The following CEP63 variants were observed in gnomAD, a reference collection of about 807,000 sequenced individuals.
CEP63 encodes the protein centrosomal protein of 63 kDa.
Under a neutral mutation model 89.1 loss-of-function variants are expected in CEP63, and 84 were observed. The ratio of observed to expected loss-of-function variants is 0.94; its 90% CI spans 0.79 to 1.13. The LOEUF is 1.13. CEP63 is among the 50% of genes most tolerant of loss of function. CEP63 has a pLI of 0.00. For missense variants in CEP63, 838 were observed against 813.3 expected, an observed-to-expected ratio of 1.03 and a Z score of -0.37; for synonymous variants, 267 against 272.5, an observed-to-expected ratio of 0.98 and a Z score of 0.20.
the CEP63 span, chr3:134,619,118 G>A: frequency 1.9e-6 from 3 of 1,554,538 alleles, no homozygotes; most frequent in Non-Finnish European, 2.7e-6. Flanking sequence ...TGGGTCCGGT[G>A]GTCAGCATGG....
At chr3:134,521,771 A>G (rs1283600152) in intron 3 of CEP63, among the ~76,000 whole-genome samples, 2 of 152,172 alleles carry the variant, frequency 1.3e-5, no homozygotes, top group Admixed American at 6.5e-5. Flanking sequence ...TCAATAGTCC[A>G]ATTAACTAAA....
At chr3:134,658,118 G>A in the CEP63 span, among the ~76,000 whole-genome samples, 8 of 152,042 alleles carry the variant, frequency 5.3e-5, no homozygotes, top group African/African-American at 1.9e-4. Context: ...GGATAGTCTC[G>A]ATCTCCTGAC....
the CEP63 span, among the ~76,000 whole-genome samples, chr3:134,622,793 A>G: frequency 1.5e-3 from 234 of 152,318 alleles, 1 homozygote; most frequent in African/African-American, 5.4e-3. Flanking sequence ...ATCTCTGTAG[A>G]GAAGCTGGGC....
chr3:134,713,500 AG>A, the CEP63 span, among the ~76,000 whole-genome samples: 3 of 152,210 alleles, frequency 2.0e-5, no homozygotes, highest in African/African-American at 4.8e-5. Flanking sequence ...TGAGGCAGAA[AG>A]GTCTAAGCTG....
the CEP63 span, chr3:134,603,517 C>T: frequency 3.8e-5 from 56 of 1,460,898 alleles, no homozygotes; most frequent in South Asian, 6.8e-5. Flanking sequence ...GCACTTCCTT[C>T]GAGCCCTCCC....
At chr3:134,739,311 A>G in the CEP63 span, among the ~76,000 whole-genome samples, 1 of 152,248 alleles carries the variant, frequency 6.6e-6, no homozygotes, top group African/African-American at 2.4e-5. Flanking sequence ...ATGTGGAGTC[A>G]TTGGAACACT....
At chr3:134,569,664 C>T (rs920534075), downstream of CEP63, among the ~76,000 whole-genome samples, 29 of 152,256 alleles carry the variant, frequency 1.9e-4, no homozygotes, top group African/African-American at 4.8e-4. Flanking sequence ...TCCAGGTGCA[C>T]GGTGCAAGCT....
intron 3 of CEP63, among the ~76,000 whole-genome samples, chr3:134,518,541 A>T (rs1317038346): frequency 6.6e-6 from 1 of 152,234 alleles, no homozygotes; most frequent in African/African-American, 2.4e-5. Context: ...TAAATAACCC[A>T]TGAATCAAAA....
At chr3:134,546,055 T>C in intron 7 of CEP63, 94 bp from the exon 8 acceptor site, 4 of 1,360,324 alleles carry the variant, frequency 2.9e-6, no homozygotes, top group Non-Finnish European at 4.1e-6. Context: ...AGAAAAATTG[T>C]AATAATAGCT....
downstream of CEP63, among the ~76,000 whole-genome samples, chr3:134,577,386 GA>G (rs543219216): frequency 5.5e-3 from 806 of 147,074 alleles, 7 homozygotes; most frequent in Non-Finnish European, 8.6e-3. Context: ...CACTTGTATG[GA>G]AAAAAAGCTT....
At chr3:134,756,267 C>A in the CEP63 span, among the ~76,000 whole-genome samples, 2 of 152,058 alleles carry the variant, frequency 1.3e-5, no homozygotes, top group Non-Finnish European at 2.9e-5. Flanking sequence ...CGAAGGGACT[C>A]CCCATAGAGA....
upstream of CEP63, chr3:134,486,003 T>A (rs927811543): frequency 3.5e-4 from 260 of 749,174 alleles, no homozygotes; most frequent in Middle Eastern, 6.6e-4. Context: ...CCCCCCCCCC[T>A]CCCCCGCATC....
At chr3:134,542,811 TCTTTA>T (rs1167551981) in intron 6 of CEP63, among the ~76,000 whole-genome samples, 2 of 152,140 alleles carry the variant, frequency 1.3e-5, no homozygotes, top group Non-Finnish European at 1.5e-5. Flanking sequence ...CTTGATTGCT[TCTTTA>T]CTTTTAACCA....
the CEP63 span, among the ~76,000 whole-genome samples, chr3:134,671,789 A>G: frequency 6.6e-6 from 1 of 152,266 alleles, no homozygotes; most frequent in East Asian, 1.9e-4. Context: ...AAAATCAGAA[A>G]AAGGGTTTGA....
chr3:134,545,332 T>C (rs915017959), intron 6 of CEP63, among the ~76,000 whole-genome samples: 18 of 151,948 alleles, frequency 1.2e-4, no homozygotes, highest in African/African-American at 4.1e-4. Flanking sequence ...GGTTTCGCCA[T>C]GTTTCCAGGC....
Position 134,486,431 on chromosome 3 carries a change from G to A in CEP63, c.-26+229G>A, listed in dbSNP as rs1446068868. The A allele has an allele frequency of 3.0e-6, 3 of 985,528 alleles. No individual in the cohort carries two copies. The African/African-American group carries it at 5.2e-5, about 17-fold the overall frequency. 61.0% of individuals were successfully genotyped at this position (985,528 alleles called of 1,614,324 possible). On this transcript the variant is annotated intron_variant, in intron 1 of 14. Transcript: ENST00000675561. ...GCCCCGAAGCCCAGTCCCTCGGCCT[G>A]GCCCGCTATGCCCTGCACACTGGCG...
the CEP63 span, among the ~76,000 whole-genome samples, chr3:134,701,993 G>A: frequency 6.6e-6 from 1 of 152,126 alleles, no homozygotes; most frequent in Admixed American, 6.6e-5. Flanking sequence ...GTATTGGAAA[G>A]ATGTTATTGG....
the CEP63 span, among the ~76,000 whole-genome samples, chr3:134,685,447 T>G: frequency 6.6e-6 from 1 of 152,318 alleles, no homozygotes; most frequent in East Asian, 1.9e-4. Context: ...CTTTGCCTTT[T>G]GTTCTAGAGT....
chr3:134,750,689 T>G, the CEP63 span, among the ~76,000 whole-genome samples: 1 of 152,070 alleles, frequency 6.6e-6, no homozygotes, highest in South Asian at 2.1e-4. Context: ...CTACAAGCCA[T>G]GTATTGATCC....
Sources: allele counts gnomAD v4.1 joint callset (sites outside exome capture counted in the v4.1 genomes callset), GRCh38; gene constraint gnomAD v4.1.1; transcripts MANE v1.5; gene names NCBI Gene and HGNC (gene_info 2026-07-23, HGNC 2026-07-21).